Variants in SLC35F1 observed in about 807,000 individuals in gnomAD.
SLC35F1 encodes the protein solute carrier family 35 member F1, also known as chromosome 6 open reading frame 169.
SLC35F1 carries 14 observed loss-of-function variants against 48.7 expected under a neutral mutation model. That is an observed-to-expected ratio of 0.29 (90% CI 0.19 to 0.45). SLC35F1 has a LOEUF of 0.45. Ranked by LOEUF, SLC35F1 falls within the 20% of genes least tolerant of loss-of-function variation. The pLI, the probability that SLC35F1 is intolerant of heterozygous loss-of-function variation, is 1.00. For missense variants in SLC35F1, 404 were observed against 500.0 expected, an observed-to-expected ratio of 0.81 and a Z score of 1.83; for synonymous variants, 190 against 202.2, an observed-to-expected ratio of 0.94 and a Z score of 0.51.
intron 1 of SLC35F1, among the ~76,000 whole-genome samples, chr6:117,914,138 C>T (rs1451140983): frequency 6.7e-6 from 1 of 149,492 alleles, no homozygotes; most frequent in African/African-American, 2.5e-5. Context: ...ATCTATCTAT[C>T]TGTCTATCCA....
intron 3 of SLC35F1, among the ~76,000 whole-genome samples, chr6:118,250,627 C>A (rs1775560740): frequency 6.6e-6 from 1 of 152,094 alleles, no homozygotes; most frequent in Non-Finnish European, 1.5e-5. Flanking sequence ...TGAACTCTGA[C>A]AAGGGAGAAG....
At chr6:118,284,285 A>T (rs1032095999) in intron 6 of SLC35F1, among the ~76,000 whole-genome samples, 1 of 152,214 alleles carries the variant, frequency 6.6e-6, no homozygotes, top group Non-Finnish European at 1.5e-5. Flanking sequence ...ACCAAGGCAG[A>T]CACTGAATTT....
intron 2 of SLC35F1, among the ~76,000 whole-genome samples, chr6:118,174,115 A>G (rs1774451993): frequency 6.6e-6 from 1 of 152,166 alleles, no homozygotes; most frequent in South Asian, 2.1e-4. Context: ...AGAAGTAAAT[A>G]TTGCTTAGTT....
At chr6:117,938,798 G>C (rs1420633991) in intron 1 of SLC35F1, among the ~76,000 whole-genome samples, 2 of 152,138 alleles carry the variant, frequency 1.3e-5, no homozygotes, top group African/African-American at 4.8e-5. Context: ...TCACAAGGTA[G>C]CTTTGTCTGA....
At chr6:117,978,022 T>C (rs1254880415) in intron 1 of SLC35F1, among the ~76,000 whole-genome samples, 1 of 152,220 alleles carries the variant, frequency 6.6e-6, no homozygotes, top group African/African-American at 2.4e-5. Context: ...GTGCTTCATA[T>C]TGTACCAAAG....
At chr6:118,127,831 G>A (rs1400944895) in intron 1 of SLC35F1, among the ~76,000 whole-genome samples, 1 of 150,876 alleles carries the variant, frequency 6.6e-6, no homozygotes, top group African/African-American at 2.4e-5. Context: ...AAACTAAAGA[G>A]CTTCTGCACA....
At chr6:118,093,088 C>T (rs75013939) in intron 1 of SLC35F1, among the ~76,000 whole-genome samples, 1,843 of 152,072 alleles carry the variant, frequency 0.012, 16 homozygotes, top group East Asian at 0.037. Flanking sequence ...GAGGCAGAGG[C>T]GGGTGGATCA....
intron 1 of SLC35F1, among the ~76,000 whole-genome samples, chr6:118,141,741 C>T (rs1773893153): frequency 6.6e-6 from 1 of 152,146 alleles, no homozygotes; most frequent in African/African-American, 2.4e-5. Context: ...AGGATTTCAA[C>T]ATATGAATGT....
chr6:117,914,484 C>T (rs895156146), intron 1 of SLC35F1, among the ~76,000 whole-genome samples: 1 of 152,094 alleles, frequency 6.6e-6, no homozygotes, highest in African/African-American at 2.4e-5. Flanking sequence ...TCTGGTCTGT[C>T]GTATAAGATA....
At chr6:118,252,164 A>G (rs1260537902) in intron 3 of SLC35F1, among the ~76,000 whole-genome samples, 6 of 152,130 alleles carry the variant, frequency 3.9e-5, no homozygotes, top group African/African-American at 1.2e-4. Context: ...GACCGATGTG[A>G]TCTAATTTGT....
At chr6:118,211,037 G>A (rs1280875113) in intron 2 of SLC35F1, among the ~76,000 whole-genome samples, 1 of 152,140 alleles carries the variant, frequency 6.6e-6, no homozygotes, top group African/African-American at 2.4e-5. Context: ...TTTTAAAGAA[G>A]GGATTAGAAC....
At chr6:118,039,796 A>ATTTTTTTTTTTTTT (rs1312799873) in intron 1 of SLC35F1, among the ~76,000 whole-genome samples, 1 of 55,914 alleles carries the variant, frequency 1.8e-5, no homozygotes, top group African/African-American at 4.6e-5. Flanking sequence ...GCATCTCAGG[A>ATTTTTTTTTTTTTT]TTGTTTTTTT....
In SLC35F1 at chr6:118,188,510, G is replaced by A. The variant is rs772125948; in HGVS notation, c.349+33890G>A. On this transcript the variant is annotated intron_variant, in intron 2 of 7. Transcript: ENST00000360388. ...GGTTGCGGTGAGCCAAGACCGTGCC[G>A]TTGTACTCCAGCCTGGGCAACAAGA... 8.6e-5 allele frequency among the ~76,000 whole-genome samples: 13 copies of A among 150,540 alleles called. No homozygotes were observed. In the East Asian group the frequency reaches 9.8e-4, roughly 11 times the overall value.
chr6:118,025,455 G>A (rs958707751), intron 1 of SLC35F1, among the ~76,000 whole-genome samples: 9 of 152,120 alleles, frequency 5.9e-5, no homozygotes, highest in African/African-American at 2.2e-4. Flanking sequence ...TATAGTATTT[G>A]TCAGATTTTA....
intron 1 of SLC35F1, among the ~76,000 whole-genome samples, chr6:118,071,423 C>T (rs963849469): frequency 2.6e-5 from 4 of 151,856 alleles, no homozygotes; most frequent in Admixed American, 2.0e-4. Context: ...ACCAAGAGCA[C>T]CTTTTCCTGT....
At chr6:118,296,956 C>T (rs976506567) in intron 7 of SLC35F1, among the ~76,000 whole-genome samples, 4 of 147,304 alleles carry the variant, frequency 2.7e-5, no homozygotes, top group African/African-American at 9.7e-5. Flanking sequence ...AAACCAAACT[C>T]ATAGAAATCA....
At chr6:117,950,151 G>C (rs890625783) in intron 1 of SLC35F1, among the ~76,000 whole-genome samples, 1 of 152,112 alleles carries the variant, frequency 6.6e-6, no homozygotes, top group East Asian at 1.9e-4. Flanking sequence ...TCTTTAATAA[G>C]CTGGTAGAGA....
chr6:118,069,717 T>C (rs1311930888), intron 1 of SLC35F1, among the ~76,000 whole-genome samples: 4 of 152,212 alleles, frequency 2.6e-5, no homozygotes, highest in African/African-American at 4.8e-5. Context: ...TTACCAGTTC[T>C]GAATGATTGA....
At chr6:118,016,525 T>C (rs1226160180) in intron 1 of SLC35F1, among the ~76,000 whole-genome samples, 1 of 152,214 alleles carries the variant, frequency 6.6e-6, no homozygotes, top group East Asian at 1.9e-4. Flanking sequence ...AGTAGCATGA[T>C]TTATGTCCCA....
Sources: allele counts gnomAD v4.1 joint callset (sites outside exome capture counted in the v4.1 genomes callset), GRCh38; gene constraint gnomAD v4.1.1; transcripts MANE v1.5; gene names NCBI Gene and HGNC (gene_info 2026-07-23, HGNC 2026-07-21).